The following LRRTM4 variants were observed in gnomAD, a reference collection of about 807,000 sequenced individuals.
LRRTM4 encodes the protein leucine rich repeat transmembrane neuronal 4.
LRRTM4 carries 25 observed loss-of-function variants against 47.6 expected under a neutral mutation model. The ratio of observed to expected loss-of-function variants is 0.53; its 90% CI spans 0.38 to 0.73. The LOEUF is 0.73. Ranked by LOEUF, LRRTM4 falls within the 30% of genes least tolerant of loss-of-function variation. The probability of loss-of-function intolerance (pLI) is 0.00; values close to 1 mark genes in which losing one functional copy is unlikely to be tolerated. For synonymous variants in LRRTM4, 311 were observed against 269.5 expected, an observed-to-expected ratio of 1.15 and a Z score of -1.51; for missense variants, 638 against 713.4, an observed-to-expected ratio of 0.89 and a Z score of 1.20.
At chr2:77,085,100 G>T (rs1680665866) in intron 3 of LRRTM4, among the ~76,000 whole-genome samples, 1 of 152,074 alleles carries the variant, frequency 6.6e-6, no homozygotes, top group South Asian at 2.1e-4. Flanking sequence ...TGCTGGAAAA[G>T]AAATATTTTT....
chr2:77,477,008 T>G (rs1474070527), intron 3 of LRRTM4, among the ~76,000 whole-genome samples: 1 of 148,278 alleles, frequency 6.7e-6, no homozygotes, highest in South Asian at 2.2e-4. Flanking sequence ...ATGTGTGTAC[T>G]TTTATGCCAT....
chr2:76,877,653 T>C lies in LRRTM4; in HGVS notation c.1552-128737A>G, dbSNP rs146644171. On this transcript the variant is annotated intron_variant, in intron 3 of 3. Coordinates refer to ENST00000409884, the MANE Select transcript of LRRTM4 (RefSeq NM_001134745.3). ...AAATTGACTATTCATTTATTACTTC[T>C]AGAAATTCTATTTTCTTATGATAAA... Among the ~76,000 whole-genome samples the C allele has an allele frequency of 3.2e-4, 49 of 152,284 alleles. 1 individual carries two copies. Among genetic ancestry groups the C allele is most frequent in the African/African-American group, 1.2e-3 (49 of 41,568 alleles).
chr2:77,032,112 T>C (rs1269742049), intron 3 of LRRTM4, among the ~76,000 whole-genome samples: 1 of 152,156 alleles, frequency 6.6e-6, no homozygotes, highest in African/African-American at 2.4e-5. Context: ...CTAATCAGCC[T>C]CTCTACTTCT....
intron 3 of LRRTM4, among the ~76,000 whole-genome samples, chr2:76,833,104 A>G (rs1209166495): frequency 6.6e-6 from 1 of 152,118 alleles, no homozygotes; most frequent in Non-Finnish European, 1.5e-5. Flanking sequence ...GTGAAATACA[A>G]ATCTGGAACT....
At chr2:77,437,185 G>C (rs1675634163) in intron 3 of LRRTM4, among the ~76,000 whole-genome samples, 1 of 151,880 alleles carries the variant, frequency 6.6e-6, no homozygotes, top group Non-Finnish European at 1.5e-5. Flanking sequence ...ATGAATTTTT[G>C]ATTAAGCAAG....
rs71381251 is a variant in LRRTM4, at chr2:77,014,503, C to CATATAT, written c.1552-265593_1552-265588dup. Among the ~76,000 whole-genome samples the CATATAT allele has an allele frequency of 3.7e-4, 52 of 139,160 alleles. 5 individuals are homozygous for CATATAT. In the South Asian group the frequency reaches 4.6e-3, roughly 12 times the overall value. 91.3% of individuals were successfully genotyped at this position (139,160 alleles called of 152,430 possible). A position where few individuals can be genotyped will look rare whatever the true frequency, so the allele number is the denominator to read the frequency against. The stretch of plus-strand genomic sequence containing the variant: ...TGCAGAAGAAGCATTTGTGCCCTTT[C>CATATAT]ATATATATATATATAAAGATTTTAT... On this transcript the variant is annotated intron_variant, in intron 3 of 3. Coordinates refer to ENST00000409884, the MANE Select transcript of LRRTM4 (RefSeq NM_001134745.3).
At chr2:76,949,009 A>G (rs1274150651) in intron 3 of LRRTM4, among the ~76,000 whole-genome samples, 1 of 151,910 alleles carries the variant, frequency 6.6e-6, no homozygotes, top group Non-Finnish European at 1.5e-5. Context: ...AATGACTGAT[A>G]GATTTAATTC....
chr2:77,312,312 T>G (rs1049673060), intron 3 of LRRTM4, among the ~76,000 whole-genome samples: 2 of 152,206 alleles, frequency 1.3e-5, no homozygotes, highest in Non-Finnish European at 2.9e-5. Context: ...TTTTGGACTG[T>G]GATTGTTTCA....
intron 3 of LRRTM4, among the ~76,000 whole-genome samples, chr2:77,288,757 G>A (rs138046454): frequency 5.5e-4 from 84 of 152,112 alleles, no homozygotes; most frequent in South Asian, 1.7e-3. Flanking sequence ...ACTATGATAT[G>A]TTCAAACTCA....
chr2:77,336,297 G>A (rs1573272974), intron 3 of LRRTM4, among the ~76,000 whole-genome samples: 3 of 151,646 alleles, frequency 2.0e-5, no homozygotes, highest in Middle Eastern at 3.4e-3. Context: ...AACAAGGAAG[G>A]AAGGGAGGAA....
intron 3 of LRRTM4, among the ~76,000 whole-genome samples, chr2:76,788,119 C>T (rs1674778386): frequency 6.6e-6 from 1 of 152,054 alleles, no homozygotes; most frequent in South Asian, 2.1e-4. Flanking sequence ...CTGATACAAT[C>T]ATGATTAAAC....
Position 77,432,441 on chromosome 2 carries a change from G to C in LRRTM4, c.1551+85877C>G, listed in dbSNP as rs369511644. ...AATAATTGTGGAAGATGAATTTTTT[G>C]GCAAATTTTGTAAGGTATATCCTTT... On this transcript the variant is annotated intron_variant, in intron 3 of 3. Coordinates refer to ENST00000409884, the MANE Select transcript of LRRTM4 (RefSeq NM_001134745.3). 3.3e-4 allele frequency among the ~76,000 whole-genome samples: 50 copies of C among 152,246 alleles called. No individual in the cohort carries two copies. The East Asian group carries it at 6.6e-3, about 20-fold the overall frequency.
intron 3 of LRRTM4, among the ~76,000 whole-genome samples, chr2:76,955,323 TA>T (rs1675635386): frequency 6.6e-6 from 1 of 151,794 alleles, no homozygotes; most frequent in Non-Finnish European, 1.5e-5. Flanking sequence ...GACATCAATG[TA>T]AAAAAGTCCG....
chr2:77,111,200 C>T (rs957439905), intron 3 of LRRTM4, among the ~76,000 whole-genome samples: 1 of 151,932 alleles, frequency 6.6e-6, no homozygotes, highest in East Asian at 1.9e-4. Flanking sequence ...ACCTCTGCCT[C>T]CCGGGTTCAA....
intron 3 of LRRTM4, among the ~76,000 whole-genome samples, chr2:76,846,481 G>A (rs1010564517): frequency 6.6e-6 from 1 of 152,178 alleles, no homozygotes; most frequent in South Asian, 2.1e-4. Flanking sequence ...ACATGTATAT[G>A]TACATTCTAA....
chr2:77,492,635 G>A (rs1340442445), intron 3 of LRRTM4, among the ~76,000 whole-genome samples: 2 of 151,964 alleles, frequency 1.3e-5, no homozygotes, highest in East Asian at 3.9e-4. Flanking sequence ...AATAATAGGG[G>A]TAACAACGCA....
At chr2:76,816,833 T>A in intron 3 of LRRTM4, among the ~76,000 whole-genome samples, 1 of 33,136 alleles carries the variant, frequency 3.0e-5, no homozygotes, top group Non-Finnish European at 4.5e-5. Flanking sequence ...TTTTTTTTTT[T>A]TTTTTTTTTT....
chr2:77,171,596 C>CTTAA (rs1673050967), intron 3 of LRRTM4, among the ~76,000 whole-genome samples: 1 of 151,270 alleles, frequency 6.6e-6, no homozygotes, highest in African/African-American at 2.4e-5. Flanking sequence ...TTTTTAAGAG[C>CTTAA]TTAAGTATGC....
intron 3 of LRRTM4, among the ~76,000 whole-genome samples, chr2:76,986,574 T>C (rs1676806168): frequency 6.6e-6 from 1 of 151,928 alleles, no homozygotes; most frequent in Non-Finnish European, 1.5e-5. Context: ...GCATGGTAAT[T>C]ACAAAGATTT....
Sources: gnomAD v4.1 joint callset for allele counts (sites outside exome capture counted in the v4.1 genomes callset) on GRCh38, gnomAD v4.1.1 for gene constraint, MANE v1.5 for transcripts, NCBI Gene and HGNC (gene_info 2026-07-23, HGNC 2026-07-21) for gene names.